Variants in RABL3 observed in about 807,000 individuals in gnomAD.
RABL3 encodes rab-like protein 3.
RABL3 carries 31 observed loss-of-function variants against 31.8 expected under a neutral mutation model. The ratio of observed to expected loss-of-function variants is 0.97; its 90% CI spans 0.73 to 1.31. RABL3 has a LOEUF of 1.31. Ranked by LOEUF, RABL3 falls within the 40% of genes most tolerant of loss-of-function variation. The pLI, the probability that RABL3 is intolerant of heterozygous loss-of-function variation, is 0.00. For synonymous variants in RABL3, 97 were observed against 99.9 expected (o/e 0.97, Z 0.18); for missense variants, 263 against 279.6 (o/e 0.94, Z 0.42).
chr3:120,714,552 C>T (rs1229789038), intron 2 of RABL3, among the ~76,000 whole-genome samples: 1 of 152,128 alleles, frequency 6.6e-6, no homozygotes, highest in African/African-American at 2.4e-5. Context: ...CATTCTGTAC[C>T]CATTCACTCT....
rs1003363238 is a variant in RABL3, at chr3:120,733,396, G to A, written c.47-2609C>T. On this transcript the variant is annotated intron_variant, in intron 1 of 7. Coordinates refer to ENST00000273375, the MANE Select transcript of RABL3 (RefSeq NM_173825.5). Reference sequence around the variant, plus strand: ...GTGTCTGTTTATGTCCTTCGCCCACGTGTTGATGGGGTTGTTTTTTTCTTG... The same window carrying A: ...GTGTCTGTTTATGTCCTTCGCCCACATGTTGATGGGGTTGTTTTTTTCTTG... Among the ~76,000 whole-genome samples, 17 of 149,504 alleles carry A rather than the reference G, an allele frequency of 1.1e-4. 1 individual carries two copies. The highest frequency in any genetic ancestry group is 4.7e-4 in the Admixed American group (7 of 14,934).
intron 2 of RABL3, among the ~76,000 whole-genome samples, chr3:120,728,683 C>A (rs956764485): frequency 6.6e-5 from 10 of 151,494 alleles, no homozygotes; most frequent in Middle Eastern, 6.4e-3. Context: ...GCACATGTAC[C>A]CTAAAACTTA....
Position 120,688,844 on chromosome 3 carries a change from G to T in RABL3, c.*979C>A, listed in dbSNP as rs1205715021. 6.6e-6 allele frequency: 1 copy of T among 152,076 alleles called. No homozygotes were observed. The highest frequency in any genetic ancestry group is 2.4e-5 in the African/African-American group (1 of 41,428). 9.4% of individuals were successfully genotyped at this position (152,076 alleles called of 1,614,324 possible). On this transcript the variant is annotated 3_prime_UTR_variant, in exon 8 of 8. Coordinates refer to ENST00000273375, the MANE Select transcript of RABL3 (RefSeq NM_173825.5). Reference sequence around the variant, plus strand: ...CCCCAAAAAGCTTTGGAGTGATTATGAAATCCAAGAATCCTAGTTCATAAT... The same window carrying T: ...CCCCAAAAAGCTTTGGAGTGATTATTAAATCCAAGAATCCTAGTTCATAAT...
intron 2 of RABL3, among the ~76,000 whole-genome samples, chr3:120,719,358 C>G (rs556207017): frequency 6.6e-6 from 1 of 152,296 alleles, no homozygotes; most frequent in East Asian, 1.9e-4. Flanking sequence ...GGGTGCAGGA[C>G]AGTGGGCACA....
At chr3:120,728,063 C>A (rs2107593857) in intron 2 of RABL3, among the ~76,000 whole-genome samples, 1 of 152,212 alleles carries the variant, frequency 6.6e-6, no homozygotes. Flanking sequence ...CAACATTGTA[C>A]TGGAGTTTCA....
At chr3:120,721,012 C>A (rs563329169) in intron 2 of RABL3, among the ~76,000 whole-genome samples, 3 of 152,180 alleles carry the variant, frequency 2.0e-5, no homozygotes, top group Non-Finnish European at 4.4e-5. Context: ...CAAGCCAGAA[C>A]AGAGTGGGGG....
At chr3:120,711,806 G>C (rs1014750336) in intron 2 of RABL3, among the ~76,000 whole-genome samples, 11 of 152,016 alleles carry the variant, frequency 7.2e-5, no homozygotes, top group Non-Finnish European at 1.6e-4. Flanking sequence ...TTAAATACTA[G>C]GCATGTGTAT....
At chr3:120,692,471 T>TACAG (rs1224883527) in intron 6 of RABL3, among the ~76,000 whole-genome samples, 1 of 152,322 alleles carries the variant, frequency 6.6e-6, no homozygotes, top group East Asian at 1.9e-4. Context: ...GTATTGGGAT[T>TACAG]ACAGGCGTGA....
intron 1 of RABL3, among the ~76,000 whole-genome samples, chr3:120,733,588 T>C (rs1192608411): frequency 2.6e-5 from 4 of 152,252 alleles, no homozygotes. Context: ...TTTTGGCTTT[T>C]GTTGCCATTG....
In RABL3 at chr3:120,698,568, T is replaced by A; in HGVS notation, c.389A>T (p.Tyr130Phe). 1 of 1,608,720 alleles carries A rather than the reference T, an allele frequency of 6.2e-7. No homozygotes were observed. The highest frequency in any genetic ancestry group is 8.5e-7 in the Non-Finnish European group (1 of 1,176,628). The change falls in exon 5 of 8, where the codon TAT becomes TTT. Residue 130 changes from tyrosine (Y) to phenylalanine (F), a missense_variant. Physicochemically the swap from Tyr to Phe is conservative, Grantham distance 22. Transcript: ENST00000273375. ...GTTATCAGCAAACTGTTCTTGATCA[T>A]AATCCCTGTGATAAATAATAATGAA... ...PTGVLVTNGD[Y>F]DQEQFADNQI...
At chr3:120,742,669 G>C (rs1709063596), upstream of RABL3, 1 of 699,850 alleles carries the variant, frequency 1.4e-6, no homozygotes, top group Non-Finnish European at 2.5e-6. Flanking sequence ...AAAGGTAGCG[G>C]GGTGCTTCCC....
At chr3:120,720,853 C>T (rs1414934767) in intron 2 of RABL3, among the ~76,000 whole-genome samples, 1 of 151,984 alleles carries the variant, frequency 6.6e-6, no homozygotes, top group African/African-American at 2.4e-5. Flanking sequence ...AGAGACTCCT[C>T]GAGAAGAGCA....
Position 120,723,566 on chromosome 3 carries a change from C to A in RABL3, c.138+7130G>T, listed in dbSNP as rs531170296. On this transcript the variant is annotated intron_variant, in intron 2 of 7. Coordinates refer to ENST00000273375, the MANE Select transcript of RABL3 (RefSeq NM_173825.5). ...AATCCTCAATAAAATACTGGCAAAC[C>A]GAATCCAGCAGCACATCAAAAAGCT... is the stretch of plus-strand genomic sequence containing the variant. 5.9e-5 allele frequency among the ~76,000 whole-genome samples: 9 copies of A among 152,186 alleles called. No homozygotes were observed. The South Asian group carries it at 1.9e-3, about 32-fold the overall frequency.
At chr3:120,729,117 A>G (rs1403403888) in intron 2 of RABL3, among the ~76,000 whole-genome samples, 5 of 152,176 alleles carry the variant, frequency 3.3e-5, no homozygotes, top group Admixed American at 3.3e-4. Context: ...CAAGACAAGA[A>G]AAACATTGTC....
intron 1 of RABL3, among the ~76,000 whole-genome samples, chr3:120,735,097 T>C (rs1330204834): frequency 6.6e-6 from 1 of 152,224 alleles, no homozygotes. Flanking sequence ...TTCCGTTGAT[T>C]GGAATAGTTT....
At chr3:120,713,447 A>G (rs748161975) in intron 2 of RABL3, among the ~76,000 whole-genome samples, 29 of 152,262 alleles carry the variant, frequency 1.9e-4, no homozygotes, top group Non-Finnish European at 3.5e-4. Context: ...AAAGCTTGAC[A>G]TTATAACAAG....
At chr3:120,693,397 G>A (rs1183279824) in intron 6 of RABL3, among the ~76,000 whole-genome samples, 1 of 152,192 alleles carries the variant, frequency 6.6e-6, no homozygotes, top group African/African-American at 2.4e-5. Flanking sequence ...GAGCTATGGG[G>A]AAGATGATTT....
At chr3:120,707,535 G>A (rs1708562941) in intron 3 of RABL3, among the ~76,000 whole-genome samples, 1 of 152,102 alleles carries the variant, frequency 6.6e-6, no homozygotes, top group African/African-American at 2.4e-5. Flanking sequence ...GAGAAGTAGA[G>A]TAACTTGTCC....
At chr3:120,701,817 C>T (rs1708495529) in intron 4 of RABL3, among the ~76,000 whole-genome samples, 1 of 152,260 alleles carries the variant, frequency 6.6e-6, no homozygotes, top group South Asian at 2.1e-4. Flanking sequence ...GGGTTCTGTT[C>T]TAGGTAAGAC....
Sources: gnomAD v4.1 joint callset for allele counts (sites outside exome capture counted in the v4.1 genomes callset) on GRCh38, gnomAD v4.1.1 for gene constraint, MANE v1.5 for transcripts, NCBI Gene and HGNC (gene_info 2026-07-23, HGNC 2026-07-21) for gene names.